STK32B: variants seen among roughly 807,000 people sequenced by gnomAD.
STK32B encodes serine/threonine kinase 32B.
In STK32B, 43 loss-of-function variants were observed where a neutral mutation model predicts 52.6. That is an observed-to-expected ratio of 0.82 (90% CI 0.64 to 1.05). The LOEUF is 1.05. Among genes scored for constraint, STK32B ranks in the 50% least tolerant of loss-of-function variants. The pLI is 0.00. For synonymous variants in STK32B, 238 were observed against 204.3 expected (o/e 1.17, Z -1.41); for missense variants, 621 against 534.6 (o/e 1.16, Z -1.59).
chr4:5,218,855 G>A (rs1459838395), intron 3 of STK32B, among the ~76,000 whole-genome samples: 3 of 152,172 alleles, frequency 2.0e-5, no homozygotes, highest in Admixed American at 6.5e-5. Context: ...TCTCCCGGCC[G>A]GCCTGGGAGC....
chr4:5,334,105 A>G (rs1036939509), intron 4 of STK32B, among the ~76,000 whole-genome samples: 26 of 152,188 alleles, frequency 1.7e-4, no homozygotes, highest in Admixed American at 2.6e-4. Context: ...CTTCCTACCC[A>G]TGAGCATGGA....
chr4:5,314,618 C>T (rs191250282), intron 3 of STK32B, among the ~76,000 whole-genome samples: 228 of 152,192 alleles, frequency 1.5e-3, no homozygotes, highest in African/African-American at 5.1e-3. Flanking sequence ...TGCAGTGAGC[C>T]GAAATCACGC....
intron 6 of STK32B, among the ~76,000 whole-genome samples, chr4:5,421,124 C>G (rs1158587077): frequency 1.3e-5 from 2 of 148,812 alleles, no homozygotes; most frequent in Non-Finnish European, 3.0e-5. Context: ...GAGTCTTGCT[C>G]TGTTGCCCAG....
rs3072775 is a variant in STK32B, at chr4:5,059,052, C to CTTTTTTTTTTTTTTTTTTTTTTTTTTTT, written c.52+7139_52+7166dup. ...AGGCGTGAGCCACCACGCCCAGCTG[C>CTTTTTTTTTTTTTTTTTTTTTTTTTTTT]TTTTTTTTTTTTTTTTTTTTTTTTT... On this transcript the variant is annotated intron_variant, in intron 1 of 11. Coordinates refer to ENST00000282908, the MANE Select transcript of STK32B (RefSeq NM_018401.3). 2.3e-4 allele frequency among the ~76,000 whole-genome samples: 20 copies of CTTTTTTTTTTTTTTTTTTTTTTTTTTTT among 86,920 alleles called. 6 individuals carry two copies. Among genetic ancestry groups the CTTTTTTTTTTTTTTTTTTTTTTTTTTTT allele is most frequent in the East Asian group, 7.7e-4 (2 of 2,584 alleles). The allele number at this position is 86,920 out of a possible 152,430, so 57.0% of individuals were successfully genotyped here.
At chr4:5,150,829 TAACAA>T (rs1717305324) in intron 2 of STK32B, among the ~76,000 whole-genome samples, 1 of 152,178 alleles carries the variant, frequency 6.6e-6, no homozygotes, top group Non-Finnish European at 1.5e-5. Flanking sequence ...TGGCTGAACT[TAACAA>T]AACAAAAATA....
chr4:5,412,300 AG>A (rs1481730273), intron 5 of STK32B, among the ~76,000 whole-genome samples: 5 of 152,252 alleles, frequency 3.3e-5, no homozygotes, highest in Non-Finnish European at 7.3e-5. Flanking sequence ...TCTCCTGAGA[AG>A]GAACTCATAG....
At chr4:5,390,591 C>T (rs368493700) in intron 4 of STK32B, among the ~76,000 whole-genome samples, 10 of 152,158 alleles carry the variant, frequency 6.6e-5, no homozygotes, top group Admixed American at 2.0e-4. Flanking sequence ...AGGTGGCCTT[C>T]TCCTCTGTGT....
intron 5 of STK32B, among the ~76,000 whole-genome samples, chr4:5,403,172 G>C (rs1042520606): frequency 1.3e-5 from 2 of 152,138 alleles, no homozygotes; most frequent in Non-Finnish European, 2.9e-5. Flanking sequence ...CCTGCCCCAA[G>C]GCACACTTTT....
chr4:5,041,149 T>C, the STK32B span, among the ~76,000 whole-genome samples: 1 of 152,210 alleles, frequency 6.6e-6, no homozygotes, highest in Non-Finnish European at 1.5e-5. Flanking sequence ...TCACTGCTTC[T>C]GAGTCCTTTT....
chr4:5,375,856 A>T (rs534281061), intron 4 of STK32B, among the ~76,000 whole-genome samples: 234 of 152,280 alleles, frequency 1.5e-3, no homozygotes, highest in African/African-American at 5.4e-3. Flanking sequence ...CCTGGAGGGC[A>T]GGTTCCTCTG....
chr4:5,326,161 T>G (rs1433876880), intron 3 of STK32B, among the ~76,000 whole-genome samples: 3 of 152,212 alleles, frequency 2.0e-5, no homozygotes, highest in African/African-American at 7.2e-5. Context: ...CCTTTGACAG[T>G]TTAGCTGTGA....
intron 3 of STK32B, among the ~76,000 whole-genome samples, chr4:5,249,091 AAT>A (rs564422620): frequency 0.064 from 9,377 of 147,198 alleles, 427 homozygotes; most frequent in African/African-American, 0.14. Flanking sequence ...AAAAAAATAA[AAT>A]AAAGATACTA....
At chr4:5,206,177 C>T (rs1419561537) in intron 3 of STK32B, among the ~76,000 whole-genome samples, 1 of 152,008 alleles carries the variant, frequency 6.6e-6, no homozygotes. Context: ...GTCATCATAC[C>T]CAGCAAAAAG....
chr4:5,037,653 A>T, the STK32B span, among the ~76,000 whole-genome samples: 1 of 152,188 alleles, frequency 6.6e-6, no homozygotes, highest in Non-Finnish European at 1.5e-5. Flanking sequence ...ACTTCCCCAA[A>T]GCAAACCCTC....
intron 3 of STK32B, among the ~76,000 whole-genome samples, chr4:5,168,935 C>A (rs1264662486): frequency 6.6e-6 from 1 of 152,210 alleles, no homozygotes; most frequent in Non-Finnish European, 1.5e-5. Flanking sequence ...ACTTTCACTC[C>A]AACCCGTCCT....
chr4:5,381,898 G>A (rs972739989), intron 4 of STK32B, among the ~76,000 whole-genome samples: 5 of 152,128 alleles, frequency 3.3e-5, no homozygotes, highest in African/African-American at 1.2e-4. Flanking sequence ...AAGGAAGGAG[G>A]GAAAGAGATT....
chr4:5,277,593 G>A (rs375230787), intron 3 of STK32B, among the ~76,000 whole-genome samples: 2 of 151,954 alleles, frequency 1.3e-5, no homozygotes, highest in Admixed American at 6.6e-5. Flanking sequence ...CTGCCTACCC[G>A]GTTGTGATGT....
At chr4:5,091,773 A>T (rs1371232577) in intron 1 of STK32B, among the ~76,000 whole-genome samples, 5 of 152,230 alleles carry the variant, frequency 3.3e-5, no homozygotes, top group Admixed American at 1.3e-4. Flanking sequence ...AGAATTATTC[A>T]TAATAGCCAA....
chr4:5,260,000 G>A (rs896691936), intron 3 of STK32B, among the ~76,000 whole-genome samples: 1 of 151,932 alleles, frequency 6.6e-6, no homozygotes, highest in African/African-American at 2.4e-5. Context: ...GAATCTTCCT[G>A]AGGGGGGGTC....
Sources: gnomAD v4.1 joint callset for allele counts (sites outside exome capture counted in the v4.1 genomes callset) on GRCh38, gnomAD v4.1.1 for gene constraint, MANE v1.5 for transcripts, NCBI Gene and HGNC (gene_info 2026-07-23, HGNC 2026-07-21) for gene names.